Variants in CHODL observed in about 807,000 individuals in gnomAD.
CHODL encodes chondrolectin.
In CHODL, 29 loss-of-function variants were observed where a neutral mutation model predicts 34.5. The observed-to-expected ratio is 0.84, with a 90% CI of 0.63 to 1.15. The LOEUF is 1.15. Ranked by LOEUF, CHODL falls within the 50% of genes most tolerant of loss-of-function variation. The pLI is 0.00. For missense variants in CHODL, 332 were observed against 332.5 expected, an observed-to-expected ratio of 1.00 and a Z score of 0.01; for synonymous variants, 125 against 116.1, an observed-to-expected ratio of 1.08 and a Z score of -0.49.
chr21:18,126,377 A>C (rs1209707998), intron 2 of CHODL, among the ~76,000 whole-genome samples: 2 of 152,214 alleles, frequency 1.3e-5, no homozygotes, highest in African/African-American at 2.4e-5. Context: ...TGTACTGTAA[A>C]TATAACTTTT....
At chr21:18,241,248 A>AT (rs974605658), upstream of CHODL, among the ~76,000 whole-genome samples, 16 of 141,546 alleles carry the variant, frequency 1.1e-4, no homozygotes, top group Non-Finnish European at 2.2e-4. Context: ...CATTACTCAG[A>AT]TAAAAAAAAA....
chr21:18,155,327 C>T (rs978219020), intron 2 of CHODL, among the ~76,000 whole-genome samples: 1 of 152,186 alleles, frequency 6.6e-6, no homozygotes, highest in Non-Finnish European at 1.5e-5. Flanking sequence ...CTTGAAAGAA[C>T]CTGTCCTTGC....
chr21:17,962,213 G>C (rs2063537294), intron 1 of CHODL, among the ~76,000 whole-genome samples: 1 of 152,190 alleles, frequency 6.6e-6, no homozygotes, highest in Non-Finnish European at 1.5e-5. Context: ...TCCTCTTAAA[G>C]ATGTAACCTA....
rs1568960594 is a variant in CHODL at position 18,256,682 on chromosome 21, C to A, written c.253C>A (p.Gln85Lys). ...AEQKLIESML[Q>K]NLTKPGTGIS... is the part of the protein sequence containing the mutation. ...ACAGAAGTTAATAGAGAGCATGTTG[C>A]AAAACCTGACAAAACCCGGGACAGG... Residue 85 changes from glutamine (Q) to lysine (K), a missense_variant, in exon 2 of 6, where the codon CAA (glutamine) becomes AAA (lysine). Transcript: ENST00000299295. The A allele has an allele frequency of 6.2e-7, 1 of 1,613,974 alleles. No individual in the cohort carries two copies. The highest frequency in any genetic ancestry group is 8.5e-7 in the Non-Finnish European group (1 of 1,179,984).
At chr21:18,092,828 A>G (rs1445656898) in intron 2 of CHODL, among the ~76,000 whole-genome samples, 1 of 152,230 alleles carries the variant, frequency 6.6e-6, no homozygotes, top group Non-Finnish European at 1.5e-5. Flanking sequence ...GATCTAGAAA[A>G]TAGCCTCAAA....
At chr21:18,049,789 A>G (rs2064490502) in intron 2 of CHODL, among the ~76,000 whole-genome samples, 2 of 151,898 alleles carry the variant, frequency 1.3e-5, no homozygotes, top group African/African-American at 4.8e-5. Context: ...TAATCATCTC[A>G]TTAAAGACCT....
At chr21:17,973,230 G>C (rs1464183926) in intron 1 of CHODL, among the ~76,000 whole-genome samples, 1 of 151,994 alleles carries the variant, frequency 6.6e-6, no homozygotes, top group Non-Finnish European at 1.5e-5. Flanking sequence ...CATAGGCATG[G>C]GGAAAGACTT....
chr21:18,217,755 G>A (rs1005705667), intron 2 of CHODL, among the ~76,000 whole-genome samples: 8 of 152,028 alleles, frequency 5.3e-5, no homozygotes, highest in African/African-American at 1.2e-4. Context: ...TCACCTATGA[G>A]CCTGCAAGTT....
intron 2 of CHODL, among the ~76,000 whole-genome samples, chr21:18,222,997 G>GA (rs1263841415): frequency 3.3e-5 from 5 of 151,960 alleles, no homozygotes; most frequent in African/African-American, 9.7e-5. Flanking sequence ...GAATTAAGTA[G>GA]AAAAAATATG....
At chr21:18,107,265 T>C (rs895931176) in intron 2 of CHODL, among the ~76,000 whole-genome samples, 16 of 152,338 alleles carry the variant, frequency 1.1e-4, no homozygotes, top group African/African-American at 3.8e-4. Flanking sequence ...TTTCCAGATG[T>C]GGTCTCTTCA....
chr21:18,165,977 A>C (rs891107405), intron 2 of CHODL, among the ~76,000 whole-genome samples: 1 of 152,120 alleles, frequency 6.6e-6, no homozygotes, highest in East Asian at 1.9e-4. Context: ...AACAGTAAAA[A>C]TTTATTCTGT....
intron 2 of CHODL, among the ~76,000 whole-genome samples, chr21:18,069,807 G>C (rs935946366): frequency 6.6e-6 from 1 of 151,750 alleles, no homozygotes; most frequent in Non-Finnish European, 1.5e-5. Context: ...ACAGAGTCTT[G>C]CTGTGTTGCC....
At chr21:18,012,307 T>G (rs1015522009) in intron 1 of CHODL, among the ~76,000 whole-genome samples, 2 of 152,228 alleles carry the variant, frequency 1.3e-5, no homozygotes, top group African/African-American at 4.8e-5. Context: ...CTGTCTTTAC[T>G]TTTAAGTTCT....
chr21:17,979,497 GA>G (rs1237636060), intron 1 of CHODL, among the ~76,000 whole-genome samples: 3 of 151,952 alleles, frequency 2.0e-5, no homozygotes, highest in Non-Finnish European at 4.4e-5. Context: ...TGTAAGTTTT[GA>G]AAAATTTTTT....
chr21:18,023,681 C>A (rs2064148351), intron 1 of CHODL, among the ~76,000 whole-genome samples: 1 of 152,104 alleles, frequency 6.6e-6, no homozygotes, highest in South Asian at 2.1e-4. Context: ...TAACCAATTA[C>A]ATTGGTAGGA....
At chr21:18,188,091 C>T (rs1015525204) in intron 2 of CHODL, among the ~76,000 whole-genome samples, 2 of 151,738 alleles carry the variant, frequency 1.3e-5, no homozygotes, top group African/African-American at 4.9e-5. Context: ...ATTTTAGCAG[C>T]CTTTATTAAA....
Position 17,954,594 on chromosome 21 carries a change from T to C in CHODL, c.-145+37194T>C, listed in dbSNP as rs1326672160. Among the ~76,000 whole-genome samples, 4 of 135,936 alleles carry C rather than the reference T, an allele frequency of 2.9e-5. 1 individual carries two copies. Among genetic ancestry groups the C allele is most frequent in the African/African-American group, 1.0e-4 (4 of 39,792 alleles). The allele number at this position is 135,936 out of a possible 152,430, so 89.2% of individuals were successfully genotyped here. ...GCTTGGACATCAGTCTTCTCCTGCA[T>C]TGGACTGTGTTTATACCATCAGTGC... On this transcript the variant is annotated intron_variant, in intron 1 of 6. Transcript: ENST00000400127.
intron 1 of CHODL, among the ~76,000 whole-genome samples, chr21:18,009,677 A>T (rs158073): frequency 0.027 from 4,083 of 152,148 alleles, 176 homozygotes; most frequent in African/African-American, 0.091. Flanking sequence ...TCACAAGGTC[A>T]GGAAATCGAG....
chr21:17,953,282 TAGA>T (rs2063473027), intron 1 of CHODL, among the ~76,000 whole-genome samples: 1 of 152,076 alleles, frequency 6.6e-6, no homozygotes, highest in Non-Finnish European at 1.5e-5. Context: ...GAGCAAGAAT[TAGA>T]ACATACAAAT....
Sources: gnomAD v4.1 joint callset for allele counts (sites outside exome capture counted in the v4.1 genomes callset) on GRCh38, gnomAD v4.1.1 for gene constraint, MANE v1.5 for transcripts, NCBI Gene and HGNC (gene_info 2026-07-23, HGNC 2026-07-21) for gene names.